GPC5: variants seen among roughly 807,000 people sequenced by gnomAD.
GPC5 encodes the protein glypican 5, also known as glypican-5.
GPC5 carries 47 observed loss-of-function variants against 53.9 expected under a neutral mutation model. The ratio of observed to expected loss-of-function variants is 0.87; its 90% CI spans 0.69 to 1.11. The LOEUF (loss-of-function observed/expected upper bound fraction) is 1.11, where lower values mean the gene tolerates loss of function less well. Ranked by LOEUF, GPC5 falls within the 50% of genes most tolerant of loss-of-function variation. The pLI, the probability that GPC5 is intolerant of heterozygous loss-of-function variation, is 0.00. For missense variants in GPC5, 748 were observed against 713.1 expected (o/e 1.05, Z -0.56); for synonymous variants, 286 against 263.3 (o/e 1.09, Z -0.84).
chr13:92,302,912 G>C (rs2043085151), intron 7 of GPC5, among the ~76,000 whole-genome samples: 2 of 152,108 alleles, frequency 1.3e-5, no homozygotes, highest in East Asian at 1.9e-4. Context: ...TGAAGAGAAG[G>C]CTGAACCTTT....
chr13:92,073,572 C>G (rs2041229801), intron 6 of GPC5, among the ~76,000 whole-genome samples: 1 of 152,158 alleles, frequency 6.6e-6, no homozygotes, highest in Admixed American at 6.5e-5. Context: ...TAATTGCCTG[C>G]TGCAGGATGA....
intron 2 of GPC5, among the ~76,000 whole-genome samples, chr13:91,576,053 A>G (rs1355551288): frequency 1.3e-5 from 2 of 152,150 alleles, no homozygotes; most frequent in African/African-American, 4.8e-5. Flanking sequence ...ACTGTCCTGA[A>G]TATTGTCAGT....
At chr13:92,408,219 C>A (rs1875878259) in intron 7 of GPC5, among the ~76,000 whole-genome samples, 1 of 152,192 alleles carries the variant, frequency 6.6e-6, no homozygotes, top group African/African-American at 2.4e-5. Flanking sequence ...GCCTGATGAT[C>A]TGTCACTGTC....
chr13:91,869,242 C>A (rs899898137), intron 5 of GPC5, among the ~76,000 whole-genome samples: 1 of 151,848 alleles, frequency 6.6e-6, no homozygotes, highest in Non-Finnish European at 1.5e-5. Flanking sequence ...TGTATCTTTA[C>A]TAGAGATGGG....
chr13:92,780,662 G>A (rs1387249578), intron 7 of GPC5, among the ~76,000 whole-genome samples: 7 of 150,078 alleles, frequency 4.7e-5, no homozygotes, highest in Non-Finnish European at 8.8e-5. Flanking sequence ...GAAGATTGGT[G>A]CCCTCTTTGT....
chr13:91,847,219 C>CAA (rs58401616), intron 5 of GPC5, among the ~76,000 whole-genome samples: 2,097 of 85,554 alleles, frequency 0.025, 62 homozygotes, highest in African/African-American at 0.055. Context: ...GACTCCATCT[C>CAA]AAAAAAAAAA....
rs1179438714 is a variant in GPC5 at position 92,756,324 on chromosome 13, CA to C, written c.1562-109957del. Among the ~76,000 whole-genome samples, 35 of 152,202 alleles carry C rather than the reference CA, an allele frequency of 2.3e-4. 1 individual carries two copies. The South Asian group carries it at 3.3e-3, about 14-fold the overall frequency. The stretch of plus-strand genomic sequence containing the variant: ...CTCAATAAATTAGGTATTGATGGGA[CA>C]TATTTAAAAATAATAAGAGCTATCT... On this transcript the variant is annotated intron_variant, in intron 7 of 7. Transcript: ENST00000377067.
intron 7 of GPC5, among the ~76,000 whole-genome samples, chr13:92,823,303 A>T (rs1174932073): frequency 6.6e-6 from 1 of 152,176 alleles, no homozygotes; most frequent in Non-Finnish European, 1.5e-5. Flanking sequence ...GTAATATTTT[A>T]GTTTCTTTCA....
At chr13:92,398,486 C>G (rs1349936162) in intron 7 of GPC5, among the ~76,000 whole-genome samples, 1 of 145,808 alleles carries the variant, frequency 6.9e-6, no homozygotes, top group Non-Finnish European at 1.5e-5. Context: ...AACAATAACA[C>G]AATAGTTTGA....
intron 7 of GPC5, among the ~76,000 whole-genome samples, chr13:92,683,573 G>A (rs1887168634): frequency 6.6e-6 from 1 of 152,052 alleles, no homozygotes; most frequent in South Asian, 2.1e-4. Flanking sequence ...TTTCAATAAA[G>A]TGTTATAAAT....
chr13:92,583,919 T>TCTGCCTGC (rs1306144720), intron 7 of GPC5, among the ~76,000 whole-genome samples: 1 of 152,160 alleles, frequency 6.6e-6, no homozygotes, highest in Non-Finnish European at 1.5e-5. Context: ...AAGCTCTCTC[T>TCTGCCTGC]CTGCCTGCTG....
At chr13:92,168,053 G>C (rs532122914) in intron 7 of GPC5, among the ~76,000 whole-genome samples, 86 of 152,174 alleles carry the variant, frequency 5.7e-4, no homozygotes, top group Non-Finnish European at 1.1e-3. Context: ...CAACTGACTT[G>C]CATCTCAACG....
intron 7 of GPC5, among the ~76,000 whole-genome samples, chr13:92,191,186 T>C (rs1435118707): frequency 6.6e-6 from 1 of 152,120 alleles, no homozygotes. Flanking sequence ...CATGTGTATG[T>C]ACCTAATAAC....
intron 7 of GPC5, among the ~76,000 whole-genome samples, chr13:92,429,438 A>C (rs576109446): frequency 1.3e-5 from 2 of 151,870 alleles, no homozygotes; most frequent in South Asian, 4.1e-4. Flanking sequence ...TAATTTAAAA[A>C]ACTAATTTTT....
intron 7 of GPC5, among the ~76,000 whole-genome samples, chr13:92,720,627 TAA>T (rs1347950972): frequency 6.6e-6 from 1 of 152,128 alleles, no homozygotes; most frequent in Non-Finnish European, 1.5e-5. Flanking sequence ...ATAACGTACA[TAA>T]ATGCAAATAT....
chr13:92,076,078 A>AT (rs34708469), intron 6 of GPC5, among the ~76,000 whole-genome samples: 70,465 of 145,968 alleles, frequency 0.48, 17,265 homozygotes, highest in East Asian at 0.77. Flanking sequence ...CGAAAGTATA[A>AT]TTTTTTTTTT....
chr13:92,313,337 TA>T (rs2043157975), intron 7 of GPC5, among the ~76,000 whole-genome samples: 1 of 152,000 alleles, frequency 6.6e-6, no homozygotes. Flanking sequence ...CTGAGAAGAG[TA>T]ATAGACTTTT....
chr13:92,651,983 G>A (rs1269637689), intron 7 of GPC5, among the ~76,000 whole-genome samples: 5 of 151,994 alleles, frequency 3.3e-5, no homozygotes, highest in African/African-American at 1.2e-4. Flanking sequence ...TTGCATTTTT[G>A]TGACCCACTT....
intron 7 of GPC5, among the ~76,000 whole-genome samples, chr13:92,615,482 G>C (rs773401954): frequency 3.3e-5 from 5 of 152,088 alleles, no homozygotes; most frequent in Non-Finnish European, 7.3e-5. Context: ...AAAGGAGCTT[G>C]CCCTTGGAAT....
Sources: allele counts gnomAD v4.1 joint callset (sites outside exome capture counted in the v4.1 genomes callset), GRCh38; gene constraint gnomAD v4.1.1; transcripts MANE v1.5; gene names NCBI Gene and HGNC (gene_info 2026-07-23, HGNC 2026-07-21).